Variants in CSMD3 observed in about 807,000 individuals in gnomAD.
The protein encoded by CSMD3 is CUB and Sushi multiple domains 3.
A neutral mutation model predicts 435.2 loss-of-function variants in CSMD3; 177 were observed. That is an observed-to-expected ratio of 0.41 (90% CI 0.36 to 0.46). CSMD3 has a LOEUF of 0.46. Ranked by LOEUF, CSMD3 falls within the 20% of genes least tolerant of loss-of-function variation. CSMD3 has a pLI of 0.34. For missense variants in CSMD3, 4,265 were observed against 4,504.6 expected (o/e 0.95, Z 1.52); for synonymous variants, 1,656 against 1,520.5 (o/e 1.09, Z -2.07).
chr8:112,873,988 T>C, intron 10 of CSMD3, among the ~76,000 whole-genome samples: 1 of 152,136 alleles, frequency 6.6e-6, no homozygotes, highest in East Asian at 1.9e-4. Context: ...CTAGTTCTTT[T>C]AATTGTGATG....
chr8:112,785,424 G>A (rs1200282488), intron 13 of CSMD3, among the ~76,000 whole-genome samples: 1 of 151,716 alleles, frequency 6.6e-6, no homozygotes, highest in Non-Finnish European at 1.5e-5. Context: ...ATAAGACAAG[G>A]GAAAGAAATA....
At chr8:112,297,337 C>T (rs574578985) in intron 53 of CSMD3, among the ~76,000 whole-genome samples, 112 of 151,182 alleles carry the variant, frequency 7.4e-4, no homozygotes, top group African/African-American at 2.6e-3. Flanking sequence ...TACAAACCTC[C>T]TTAATAAAAT....
At chr8:112,658,793 A>G (rs1248355012) in intron 17 of CSMD3, among the ~76,000 whole-genome samples, 1 of 152,114 alleles carries the variant, frequency 6.6e-6, no homozygotes, top group Admixed American at 6.6e-5. Flanking sequence ...CCCTGTCTCT[A>G]CTAAAAATAC....
rs115983767 is a variant in CSMD3, at chr8:113,032,851, C to G, written c.918-13672G>C. ...AAAAAATGGCTTCCTGGGCTGCACT[C>G]AGGGCCCCATTGGTCTGTGCAGCTT... On this transcript the variant is annotated intron_variant, in intron 5 of 70. Coordinates refer to ENST00000297405, the MANE Select transcript of CSMD3 (RefSeq NM_198123.2). Among the ~76,000 whole-genome samples the G allele has an allele frequency of 2.3e-3, 352 of 151,582 alleles. 3 individuals are homozygous for G. Among genetic ancestry groups the G allele is most frequent in the African/African-American group, 8.1e-3 (336 of 41,482 alleles).
At chr8:112,348,249 C>CATGTAG in intron 40 of CSMD3, among the ~76,000 whole-genome samples, 1 of 152,142 alleles carries the variant, frequency 6.6e-6, no homozygotes, top group East Asian at 1.9e-4. Flanking sequence ...GCTTCATGTA[C>CATGTAG]ACTCTTTTGT....
chr8:112,438,707 G>C (rs1814649581), intron 32 of CSMD3, among the ~76,000 whole-genome samples: 1 of 152,062 alleles, frequency 6.6e-6, no homozygotes, highest in African/African-American at 2.4e-5. Context: ...GGCCAACAGG[G>C]TCATGAATCA....
chr8:112,869,697 C>A (rs1332191719), intron 10 of CSMD3, among the ~76,000 whole-genome samples: 1 of 111,490 alleles, frequency 9.0e-6, no homozygotes, highest in African/African-American at 3.4e-5. Flanking sequence ...GAATACTATG[C>A]AGCCATAAAA....
intron 27 of CSMD3, among the ~76,000 whole-genome samples, chr8:112,549,788 C>A (rs990273225): frequency 6.6e-6 from 1 of 151,832 alleles, no homozygotes; most frequent in African/African-American, 2.4e-5. Context: ...ATTAGAAAAC[C>A]CAGTATCGGG....
intron 1 of CSMD3, among the ~76,000 whole-genome samples, chr8:113,335,526 T>C (rs2094066055): frequency 7.4e-6 from 1 of 135,178 alleles, no homozygotes; most frequent in Non-Finnish European, 1.6e-5. Flanking sequence ...GATTTAGCTC[T>C]CCTCCTCCTT....
At chr8:113,220,969 T>A (rs149851689) in intron 3 of CSMD3, among the ~76,000 whole-genome samples, 29 of 151,452 alleles carry the variant, frequency 1.9e-4, no homozygotes, top group African/African-American at 7.0e-4. Context: ...ATAATAAAAG[T>A]TATATTCTTT....
At chr8:112,468,490 T>G (rs963881722) in intron 32 of CSMD3, among the ~76,000 whole-genome samples, 3 of 152,074 alleles carry the variant, frequency 2.0e-5, no homozygotes, top group Non-Finnish European at 4.4e-5. Context: ...TACTAATTCC[T>G]CCCTCCCCGA....
chr8:112,827,313 C>T (rs2079727442), intron 12 of CSMD3, among the ~76,000 whole-genome samples: 1 of 150,184 alleles, frequency 6.7e-6, no homozygotes, highest in African/African-American at 2.5e-5. Context: ...TCTTGGATGT[C>T]AGTTGGACAA....
At chr8:113,213,241 G>C (rs1257925368) in intron 3 of CSMD3, among the ~76,000 whole-genome samples, 1 of 152,032 alleles carries the variant, frequency 6.6e-6, no homozygotes, top group Non-Finnish European at 1.5e-5. Flanking sequence ...AATATCAACT[G>C]TTCTCAAGTA....
At chr8:113,305,923 T>C (rs2093817241) in intron 2 of CSMD3, among the ~76,000 whole-genome samples, 1 of 152,184 alleles carries the variant, frequency 6.6e-6, no homozygotes, top group Non-Finnish European at 1.5e-5. Flanking sequence ...GGTAGGGGGA[T>C]ACTAAACACA....
At chr8:112,706,038 C>A (rs1262679126) in intron 13 of CSMD3, among the ~76,000 whole-genome samples, 1 of 151,958 alleles carries the variant, frequency 6.6e-6, no homozygotes, top group Non-Finnish European at 1.5e-5. Flanking sequence ...GTGTCTGTGA[C>A]AAATGCACAA....
chr8:112,704,234 C>A (rs898298575), intron 13 of CSMD3, among the ~76,000 whole-genome samples: 13 of 151,980 alleles, frequency 8.6e-5, no homozygotes, highest in African/African-American at 3.1e-4. Context: ...CCCACCTCAA[C>A]TGCTGAGTAG....
chr8:113,222,175 T>A (rs544505898), intron 3 of CSMD3, among the ~76,000 whole-genome samples: 6 of 151,364 alleles, frequency 4.0e-5, no homozygotes, highest in Non-Finnish European at 5.9e-5. Context: ...TAGACATAAT[T>A]CTAAAAATTC....
intron 10 of CSMD3, among the ~76,000 whole-genome samples, chr8:112,900,015 T>C (rs1426573628): frequency 6.6e-6 from 1 of 151,172 alleles, no homozygotes; most frequent in African/African-American, 2.4e-5. Context: ...ATTCCTTTTC[T>C]CTCTATTTTC....
At position 113,011,886 on chromosome 8, in the gene CSMD3, T is replaced by A. The variant is rs553445986; in HGVS notation, c.1030+7181A>T. ...ATTATTTTTGCTGTTTCTGTAGACA[T>A]TGTACTAAAAAGAAGATGAGTCTCA... On this transcript the variant is annotated intron_variant, in intron 6 of 70. Coordinates refer to ENST00000297405, the MANE Select transcript of CSMD3 (RefSeq NM_198123.2). 7.9e-5 allele frequency among the ~76,000 whole-genome samples: 12 copies of A among 151,916 alleles called. No homozygotes were observed. In the South Asian group the frequency reaches 1.7e-3, roughly 21 times the overall value.
Sources: allele counts gnomAD v4.1 joint callset (sites outside exome capture counted in the v4.1 genomes callset), GRCh38; gene constraint gnomAD v4.1.1; transcripts MANE v1.5; gene names NCBI Gene and HGNC (gene_info 2026-07-23, HGNC 2026-07-21).